Variants in PNMA8B observed in about 807,000 individuals in gnomAD.
PNMA8B encodes the protein PNMA family member 8B.
For synonymous variants in PNMA8B, 386 were observed against 394.9 expected, an observed-to-expected ratio of 0.98 and a Z score of 0.27; for missense variants, 887 against 885.8, an observed-to-expected ratio of 1.00 and a Z score of -0.02.
chr19:46,492,177 G>A lies in PNMA8B; in HGVS notation c.*1381C>T, dbSNP rs979877164. Reference sequence around the variant, plus strand: ...CCTATTCCTTCCCAGGGACAAGTGGGGCAGGGCCCCCTGGCACGATGGGCT... The same window carrying A: ...CCTATTCCTTCCCAGGGACAAGTGGAGCAGGGCCCCCTGGCACGATGGGCT... On this transcript the variant is annotated 3_prime_UTR_variant, in exon 1 of 1. Transcript: ENST00000599531. 7 of 428,292 alleles carry A rather than the reference G, an allele frequency of 1.6e-5. No individual in the cohort carries two copies. Among genetic ancestry groups the A allele is most frequent in the Non-Finnish European group, 3.3e-5 (7 of 210,804 alleles). The allele number at this position is 428,292 out of a possible 1,614,324, so 26.5% of individuals were successfully genotyped here. A position where few individuals can be genotyped will look rare whatever the true frequency, so the allele number is the denominator to read the frequency against.
chr19:46,494,597 G>A lies in PNMA8B; in HGVS notation c.869C>T (p.Pro290Leu), dbSNP rs1970062242. 1 of 1,613,908 alleles carries A rather than the reference G, an allele frequency of 6.2e-7. No individual in the cohort carries two copies. ...CACAGCCAGCAGGGCCACTAAGTCGGGGACACCATTTTTGTCTTCTTTGGT... is the reference window on the plus strand; with the variant it reads ...CACAGCCAGCAGGGCCACTAAGTCGAGGACACCATTTTTGTCTTCTTTGGT... ...LNTKEDKNGV[P>L]DLVALLAVRD... Residue 290 changes from proline to leucine, a missense_variant, in exon 1 of 1, where the codon CCC (proline) becomes CTC (leucine). Coordinates refer to ENST00000599531, the MANE Select transcript of PNMA8B (RefSeq NM_020709.3).
Position 46,493,616 on chromosome 19 carries a change from T to TTCC in PNMA8B, c.1849_1850insGGA (p.Ser616_Lys617insArg). 7.9e-6 allele frequency: 12 copies of TTCC among 1,519,472 alleles called. No individual in the cohort carries two copies. The highest frequency in any genetic ancestry group is 1.4e-5 in the African/African-American group (1 of 69,230). The allele number at this position is 1,519,472 out of a possible 1,614,324, so 94.1% of individuals were successfully genotyped here. On this transcript the variant is annotated inframe_insertion, in exon 1 of 1. Transcript: ENST00000599531. The surrounding 1 kb of genome is among the most constrained non-coding windows in gnomAD (Gnocchi z 5.3). ...ACGGGCCTTCTTCCCGCGCGCGGCC[T>TTCC]TGGATCCAGTGGGCGCCTGGCCCTT...
At position 46,495,281 on chromosome 19, in the gene PNMA8B, G is replaced by A. The variant is rs751543130; in HGVS notation, c.185C>T (p.Ala62Val). 6.0e-5 allele frequency: 90 copies of A among 1,492,972 alleles called. No homozygotes were observed. Among genetic ancestry groups the A allele is most frequent in the Non-Finnish European group, 7.9e-5 (85 of 1,069,390 alleles). The allele number at this position is 1,492,972 out of a possible 1,614,324, so 92.5% of individuals were successfully genotyped here. The change falls in exon 1 of 1, where the codon GCC becomes GTC. Residue 62 changes from alanine (A) to valine (V), a missense_variant. Ala to Val is a moderately conservative substitution (Grantham distance 64). Transcript: ENST00000599531. ...RHMKALMNEKAQAALVEFVED... is the reference protein window; with the variant it reads ...RHMKALMNEKVQAALVEFVED... The stretch of plus-strand genomic sequence containing the variant: ...CACAAACTCCACCAGGGCGGCCTGG[G>A]CCTTCTCGTTCATCAAAGCCTTCAT...
At position 46,492,077 on chromosome 19, in the gene PNMA8B, A is replaced by T. The variant is rs1372582920; in HGVS notation, c.*1481T>A. The T allele has an allele frequency of 5.5e-6, 2 of 364,562 alleles. No homozygotes were observed. The highest frequency in any genetic ancestry group is 1.1e-5 in the Non-Finnish European group (2 of 174,338). 22.6% of individuals were successfully genotyped at this position (364,562 alleles called of 1,614,324 possible). A position where few individuals can be genotyped will look rare whatever the true frequency, so the allele number is the denominator to read the frequency against. ...CCACGCCCTGCAGCAGGTCTCAGTC[A>T]GCTTCTACATCTGGGTGTCCCTGAC... is the stretch of plus-strand genomic sequence containing the variant. On this transcript the variant is annotated 3_prime_UTR_variant, in exon 1 of 1. Transcript: ENST00000599531.
rs1220319446 is a variant in PNMA8B, at chr19:46,495,214, G to A, written c.252C>T (p.Gly84=). 1 of 1,612,536 alleles carries A rather than the reference G, an allele frequency of 6.2e-7. No homozygotes were observed. The highest frequency in any genetic ancestry group is 1.7e-5 in the Admixed American group (1 of 60,002). The change falls in exon 1 of 1, where the codon GGC becomes GGT. Residue 84 remains glycine (G), a synonymous_variant. Transcript: ENST00000599531. ...NHAAIPREIP[G]KDGVWRVLWK... ...ACAGAACCCTCCAGACCCCATCCTT[G>A]CCTGGGATCTCCCTGGGAATGGCAG...
rs1970010000 is a variant in PNMA8B at position 46,491,997 on chromosome 19, G to A, written c.*1561C>T. 4.4e-6 allele frequency: 1 copy of A among 225,958 alleles called. No homozygotes were observed. Among genetic ancestry groups the A allele is most frequent in the Non-Finnish European group, 9.6e-6 (1 of 104,524 alleles). The allele number at this position is 225,958 out of a possible 1,614,324, so 14.0% of individuals were successfully genotyped here. The stretch of plus-strand genomic sequence containing the variant: ...GCCCAGCTCAAGGTACACCCAGCCT[G>A]GTCCTCAGTGGGTGGGTCACTGTCC... On this transcript the variant is annotated 3_prime_UTR_variant, in exon 1 of 1. Transcript: ENST00000599531.
At position 46,495,365 on chromosome 19, in the gene PNMA8B, T is replaced by C. The variant is rs887182306; in HGVS notation, c.101A>G (p.Asp34Gly). ...TGIPEGLEQA[D>G]VEAVLQPTLL... ...GGTCGGCTGCAGGACGGCTTCGACGTCTGCCTGCTCCAGGCCCTCCGGGAT... is the reference window on the plus strand; with the variant it reads ...GGTCGGCTGCAGGACGGCTTCGACGCCTGCCTGCTCCAGGCCCTCCGGGAT... Residue 34 changes from aspartate to glycine, a missense_variant, in exon 1 of 1, where the codon GAC becomes GGC. Coordinates refer to ENST00000599531, the MANE Select transcript of PNMA8B (RefSeq NM_020709.3). The C allele has an allele frequency of 6.9e-6, 9 of 1,304,688 alleles. No individual in the cohort carries two copies. The highest frequency in any genetic ancestry group is 1.4e-5 in the African/African-American group (1 of 69,006). 80.8% of individuals were successfully genotyped at this position (1,304,688 alleles called of 1,614,324 possible).
Position 46,494,247 on chromosome 19 carries a change from C to T in PNMA8B, c.1219G>A (p.Asp407Asn). 6 of 1,609,598 alleles carry T rather than the reference C, an allele frequency of 3.7e-6. No homozygotes were observed. The highest frequency in any genetic ancestry group is 5.1e-6 in the Non-Finnish European group (6 of 1,179,610). ...ATGCACTCCCGGAGGTCCCCGTCAT[C>T]CCCGGCCTTGCGCAGGACCACGGCG... ...VDAVVLRKAG[D>N]DGDLRECIST... Residue 407 changes from aspartate to asparagine, a missense_variant, in exon 1 of 1, where the codon GAT (aspartate) becomes AAT (asparagine). Transcript: ENST00000599531.
chr19:46,495,289 G>C lies in PNMA8B; in HGVS notation c.177C>G (p.Asn59Lys). 1 of 1,449,234 alleles carries C rather than the reference G, an allele frequency of 6.9e-7. No individual in the cohort carries two copies. Among genetic ancestry groups the C allele is most frequent in the Non-Finnish European group, 9.7e-7 (1 of 1,029,290 alleles). The allele number at this position is 1,449,234 out of a possible 1,614,324, so 89.8% of individuals were successfully genotyped here. A position where few individuals can be genotyped will look rare whatever the true frequency, so the allele number is the denominator to read the frequency against. Residue 59 changes from asparagine (N) to lysine (K), a missense_variant, in exon 1 of 1, where the codon AAC (asparagine) becomes AAG (lysine). By Grantham distance (94) the Asn-to-Lys change is moderately conservative. Transcript: ENST00000599531. The stretch of plus-strand genomic sequence containing the variant: ...CCACCAGGGCGGCCTGGGCCTTCTC[G>C]TTCATCAAAGCCTTCATGTGTCGCA... Reference protein sequence around the residue: ...FRLRHMKALMNEKAQAALVEF... With the variant: ...FRLRHMKALMKEKAQAALVEF...
chr19:46,491,246 G>A lies in PNMA8B; in HGVS notation c.*2312C>T, dbSNP rs890698490. The A allele has an allele frequency of 3.3e-5, 5 of 152,196 alleles. No individual in the cohort carries two copies. The highest frequency in any genetic ancestry group is 1.3e-4 in the Admixed American group (2 of 15,274). 9.4% of individuals were successfully genotyped at this position (152,196 alleles called of 1,614,324 possible). Reference sequence around the variant, plus strand: ...ATTACATTTAAATCCAATTTACCCCGTGTGATTACCTAGTTGAACAAAGCA... The same window carrying A: ...ATTACATTTAAATCCAATTTACCCCATGTGATTACCTAGTTGAACAAAGCA... On this transcript the variant is annotated 3_prime_UTR_variant, in exon 1 of 1. Transcript: ENST00000599531.
In PNMA8B at chr19:46,492,043, G is replaced by T; in HGVS notation, c.*1515C>A. The T allele has an allele frequency of 3.2e-6, 1 of 315,552 alleles. No individual in the cohort carries two copies. The highest frequency in any genetic ancestry group is 6.7e-6 in the Non-Finnish European group (1 of 148,842). 19.5% of individuals were successfully genotyped at this position (315,552 alleles called of 1,614,324 possible). ...TGTCCAGGGACAGCCTCCAAGCAGA[G>T]GGGAGCACCCACGCCCTGCAGCAGG... is the stretch of plus-strand genomic sequence containing the variant. On this transcript the variant is annotated 3_prime_UTR_variant, in exon 1 of 1. Transcript: ENST00000599531.
rs781105801 is a variant in PNMA8B, at chr19:46,495,288, C to A, written c.178G>T (p.Glu60Ter). 6.8e-7 allele frequency: 1 copy of A among 1,464,690 alleles called. No homozygotes were observed. Among genetic ancestry groups the A allele is most frequent in the Non-Finnish European group, 9.6e-7 (1 of 1,043,436 alleles). The allele number at this position is 1,464,690 out of a possible 1,614,324, so 90.7% of individuals were successfully genotyped here. Residue 60 changes from glutamate (E) to a stop codon, truncating the protein, a stop_gained, in exon 1 of 1, where the codon GAG (glutamate) becomes TAG (stop). Coordinates refer to ENST00000599531, the MANE Select transcript of PNMA8B (RefSeq NM_020709.3). LOFTEE classifies it low-confidence loss of function (END_TRUNC). Reference sequence around the variant, plus strand: ...TCCACCAGGGCGGCCTGGGCCTTCTCGTTCATCAAAGCCTTCATGTGTCGC... The same window carrying A: ...TCCACCAGGGCGGCCTGGGCCTTCTAGTTCATCAAAGCCTTCATGTGTCGC... Reference protein sequence around the residue: ...RLRHMKALMNEKAQAALVEFV... With the variant: ...RLRHMKALMN
In PNMA8B at chr19:46,493,756, GC is replaced by G; in HGVS notation, c.1709del (p.Gly570AlafsTer252). 1 of 1,435,868 alleles carries G rather than the reference GC, an allele frequency of 7.0e-7. No homozygotes were observed. The highest frequency in any genetic ancestry group is 9.1e-7 in the Non-Finnish European group (1 of 1,100,658). The allele number at this position is 1,435,868 out of a possible 1,614,324, so 88.9% of individuals were successfully genotyped here. On this transcript the variant is annotated frameshift_variant, in exon 1 of 1. Coordinates refer to ENST00000599531, the MANE Select transcript of PNMA8B (RefSeq NM_020709.3). LOFTEE classifies it low-confidence loss of function (END_TRUNC). This position sits in a 1 kb window ranked among gnomAD's most constrained non-coding sequence, Gnocchi z 5.3. ...TCCCGGCTTTCTTCTCGGGAGTGAC[GC>G]CCCGGCCTCGGCCTCGGCCGCCCGC... ...TRAGGRGRGR[G>X]VTPEKKAGSR...
Position 46,493,340 on chromosome 19 carries a change from C to T in PNMA8B, c.*218G>A, listed in dbSNP as rs1601502843. 1 of 400,124 alleles carries T rather than the reference C, an allele frequency of 2.5e-6. No homozygotes were observed. The highest frequency in any genetic ancestry group is 3.6e-5 in the East Asian group (1 of 27,716). 24.8% of individuals were successfully genotyped at this position (400,124 alleles called of 1,614,324 possible). A position where few individuals can be genotyped will look rare whatever the true frequency, so the allele number is the denominator to read the frequency against. On this transcript the variant is annotated 3_prime_UTR_variant, in exon 1 of 1. Coordinates refer to ENST00000599531, the MANE Select transcript of PNMA8B (RefSeq NM_020709.3). The surrounding 1 kb of genome is among the most constrained non-coding windows in gnomAD (Gnocchi z 5.3). ...CTCGGGCGCCCACTTCTCTTTCCTC[C>T]TCCCATCCGGGCTTCCTCCGTCGGG...
In PNMA8B at chr19:46,494,636, G is replaced by A; in HGVS notation, c.830C>T (p.Ser277Phe). Residue 277 changes from serine to phenylalanine, a missense_variant, in exon 1 of 1, where the codon TCC becomes TTC. Transcript: ENST00000599531. ...GTCTTCTTTGGTGTTCAAGCGGATGGATTCGGCCCCAGCTGGCTCCTTCTC... is the reference window on the plus strand; with the variant it reads ...GTCTTCTTTGGTGTTCAAGCGGATGAATTCGGCCCCAGCTGGCTCCTTCTC... Reference protein sequence around the residue: ...EAEKEPAGAESIRLNTKEDKN... With the variant: ...EAEKEPAGAEFIRLNTKEDKN... The A allele has an allele frequency of 2.5e-6, 4 of 1,614,046 alleles. No homozygotes were observed. The highest frequency in any genetic ancestry group is 3.4e-6 in the Non-Finnish European group (4 of 1,179,894).
rs1568616582 is a variant in PNMA8B at position 46,493,467 on chromosome 19, G to A, written c.*91C>T. 1 of 781,144 alleles carries A rather than the reference G, an allele frequency of 1.3e-6. No homozygotes were observed. The highest frequency in any genetic ancestry group is 1.7e-6 in the Non-Finnish European group (1 of 575,018). 48.4% of individuals were successfully genotyped at this position (781,144 alleles called of 1,614,324 possible). A position where few individuals can be genotyped will look rare whatever the true frequency, so the allele number is the denominator to read the frequency against. ...AAGCGAGGAGATTGCGTCTGCGGAG[G>A]ACAGGAAGAGGGGAGGGGAGGGCGG... On this transcript the variant is annotated 3_prime_UTR_variant, in exon 1 of 1. Transcript: ENST00000599531. This position sits in a 1 kb window ranked among gnomAD's most constrained non-coding sequence, Gnocchi z 5.3.
At position 46,492,679 on chromosome 19, in the gene PNMA8B, G is replaced by A. The variant is rs952645774; in HGVS notation, c.*879C>T. ...CACTGGAGAGGGGGCACCCAGGGGA[G>A]CCACAGCCTATGGGAGGGGCCAGGG... On this transcript the variant is annotated 3_prime_UTR_variant, in exon 1 of 1. Transcript: ENST00000599531. 5 of 152,464 alleles carry A rather than the reference G, an allele frequency of 3.3e-5. No homozygotes were observed. The highest frequency in any genetic ancestry group is 1.2e-4 in the African/African-American group (5 of 41,472). The allele number at this position is 152,464 out of a possible 1,614,324, so 9.4% of individuals were successfully genotyped here.
At position 46,494,600 on chromosome 19, in the gene PNMA8B, A is replaced by G; in HGVS notation, c.866T>C (p.Val289Ala). ...AGCCAGCAGGGCCACTAAGTCGGGG[A>G]CACCATTTTTGTCTTCTTTGGTGTT... Reference protein sequence around the residue: ...RLNTKEDKNGVPDLVALLAVR... With the variant: ...RLNTKEDKNGAPDLVALLAVR... Residue 289 changes from valine (V) to alanine (A), a missense_variant, in exon 1 of 1, where the codon GTC (valine) becomes GCC (alanine). Coordinates refer to ENST00000599531, the MANE Select transcript of PNMA8B (RefSeq NM_020709.3). The G allele has an allele frequency of 6.2e-7, 1 of 1,613,922 alleles. No homozygotes were observed. The highest frequency in any genetic ancestry group is 2.2e-5 in the East Asian group (1 of 44,870).
Position 46,495,333 on chromosome 19 carries a change from G to C in PNMA8B, c.133C>G (p.Pro45Ala). The C allele has an allele frequency of 7.7e-7, 1 of 1,292,614 alleles. No individual in the cohort carries two copies. Among genetic ancestry groups the C allele is most frequent in the Non-Finnish European group, 1.1e-6 (1 of 886,602 alleles). The allele number at this position is 1,292,614 out of a possible 1,614,324, so 80.1% of individuals were successfully genotyped here. A position where few individuals can be genotyped will look rare whatever the true frequency, so the allele number is the denominator to read the frequency against. ...TGTCGCAACCTGAACGTGCCCAGGG[G>C]CAGGAGGGTCGGCTGCAGGACGGCT... ...VEAVLQPTLL[P>A]LGTFRLRHMK... Residue 45 changes from proline (P) to alanine (A), a missense_variant, in exon 1 of 1, where the codon CCC (proline) becomes GCC (alanine). Pro to Ala is a conservative substitution (Grantham distance 27). Coordinates refer to ENST00000599531, the MANE Select transcript of PNMA8B (RefSeq NM_020709.3).
Sources: allele counts gnomAD v4.1 joint callset, GRCh38; gene constraint gnomAD v4.1.1; non-coding constraint Gnocchi (gnomAD v3.1); transcripts MANE v1.5; gene names NCBI Gene and HGNC (gene_info 2026-07-23, HGNC 2026-07-21).